The following PTPRJ variants were observed in gnomAD, a reference collection of about 807,000 sequenced individuals.
PTPRJ encodes receptor-type tyrosine-protein phosphatase eta.
PTPRJ carries 129 observed loss-of-function variants against 141.3 expected under a neutral mutation model. That is an observed-to-expected ratio of 0.91 (90% CI 0.79 to 1.06). PTPRJ has a LOEUF of 1.06. Ranked by LOEUF, PTPRJ falls within the 50% of genes least tolerant of loss-of-function variation. The pLI is 0.00. For synonymous variants in PTPRJ, 610 were observed against 640.5 expected (o/e 0.95, Z 0.72); for missense variants, 1,601 against 1,679.7 (o/e 0.95, Z 0.82).
intron 1 of PTPRJ, among the ~76,000 whole-genome samples, chr11:48,063,861 G>T (rs1855005180): frequency 6.6e-6 from 1 of 151,918 alleles, no homozygotes; most frequent in African/African-American, 2.4e-5. Context: ...TTATCCAAAG[G>T]CTTCTGTTTT....
intron 1 of PTPRJ, among the ~76,000 whole-genome samples, chr11:48,049,714 CAAA>C (rs397713247): frequency 9.9e-5 from 5 of 50,624 alleles, no homozygotes; most frequent in Admixed American, 2.2e-4. Flanking sequence ...AACTCTGTCT[CAAA>C]AAAAAAAAAA....
chr11:48,060,014 G>T (rs1240087066), intron 1 of PTPRJ, among the ~76,000 whole-genome samples: 5 of 152,210 alleles, frequency 3.3e-5, no homozygotes, highest in African/African-American at 1.2e-4. Flanking sequence ...GGGGTTCTGG[G>T]AAGCCTCTGT....
chr11:48,161,445 A>G (rs940560385), intron 22 of PTPRJ, among the ~76,000 whole-genome samples: 2 of 152,084 alleles, frequency 1.3e-5, no homozygotes, highest in South Asian at 2.1e-4. Context: ...AAAGTATAGT[A>G]TATTAAGTAG....
intron 1 of PTPRJ, among the ~76,000 whole-genome samples, chr11:47,984,822 G>T (rs959110876): frequency 2.0e-5 from 3 of 151,622 alleles, no homozygotes; most frequent in Admixed American, 1.3e-4. Flanking sequence ...GCCTCACAAA[G>T]TGCAGGGATT....
At chr11:48,067,308 G>T (rs994010689) in intron 1 of PTPRJ, among the ~76,000 whole-genome samples, 2 of 152,140 alleles carry the variant, frequency 1.3e-5, no homozygotes, top group African/African-American at 4.8e-5. Flanking sequence ...GACAATGGGG[G>T]GAAGGAAAGG....
chr11:48,142,156 A>G (rs1331897687), intron 11 of PTPRJ, among the ~76,000 whole-genome samples: 5 of 152,140 alleles, frequency 3.3e-5, no homozygotes, highest in South Asian at 2.1e-4. Context: ...AGTTGACTGT[A>G]TATGTGAGAG....
chr11:48,000,912 C>G (rs1854479573), intron 1 of PTPRJ, among the ~76,000 whole-genome samples: 1 of 151,826 alleles, frequency 6.6e-6, no homozygotes, highest in Non-Finnish European at 1.5e-5. Flanking sequence ...ATTGAAAGAA[C>G]CACCCTGACA....
chr11:48,144,971 A>G, intron 13 of PTPRJ, 29 bp from the exon 14 acceptor site: 1 of 1,613,856 alleles, frequency 6.2e-7, no homozygotes, highest in Non-Finnish European at 8.5e-7. Context: ...CGTCTCAGGG[A>G]CCTCTTTTTG....
At chr11:48,139,119 C>T (rs990518475) in intron 10 of PTPRJ, among the ~76,000 whole-genome samples, 7 of 151,956 alleles carry the variant, frequency 4.6e-5, no homozygotes, top group South Asian at 2.1e-4. Flanking sequence ...GTCGACAGAG[C>T]GAGACTCCGT....
chr11:48,132,932 A>G (rs1160545370), intron 8 of PTPRJ, among the ~76,000 whole-genome samples: 1 of 152,212 alleles, frequency 6.6e-6, no homozygotes. Context: ...ATGACGTCTT[A>G]ACGTCAACAT....
At chr11:48,018,252 T>TC (rs1403803296) in intron 1 of PTPRJ, among the ~76,000 whole-genome samples, 5 of 152,020 alleles carry the variant, frequency 3.3e-5, no homozygotes. Flanking sequence ...CAACATGACT[T>TC]CTTTTTTTTT....
At chr11:48,099,696 T>G (rs933950877) in intron 1 of PTPRJ, among the ~76,000 whole-genome samples, 1 of 152,136 alleles carries the variant, frequency 6.6e-6, no homozygotes, top group African/African-American at 2.4e-5. Flanking sequence ...AGTGTCTGCT[T>G]TGTGGCATTT....
At position 48,130,551 on chromosome 11, in the gene PTPRJ, A is replaced by T. The variant is rs1856948931; in HGVS notation, c.1450A>T (p.Met484Leu). ...CAGCCATGATGCAGAATCATTTCAG[A>T]TGCATATCACACAGGAGGGAGCTGG... ...WSSHDAESFQ[M>L]HITQEGAGNS... The change falls in exon 8 of 25, where the codon ATG becomes TTG. Residue 484 changes from methionine (M) to leucine (L), a missense_variant. Physicochemically the swap from Met to Leu is conservative, Grantham distance 15. Coordinates refer to ENST00000418331, the MANE Select transcript of PTPRJ (RefSeq NM_002843.4). 3.1e-6 allele frequency: 5 copies of T among 1,613,976 alleles called. No homozygotes were observed. In the South Asian group the frequency reaches 3.3e-5, roughly 11 times the overall value.
At chr11:48,141,342 G>T (rs1413003074) in intron 11 of PTPRJ, among the ~76,000 whole-genome samples, 1 of 151,960 alleles carries the variant, frequency 6.6e-6, no homozygotes, top group East Asian at 1.9e-4. Flanking sequence ...GAAAGGGGGG[G>T]TGTGCACAAT....
chr11:48,027,785 T>C (rs2134220398), intron 1 of PTPRJ, among the ~76,000 whole-genome samples: 1 of 106,374 alleles, frequency 9.4e-6, no homozygotes, highest in African/African-American at 4.4e-5. Flanking sequence ...AGTGAGACTC[T>C]GTCTCCAAAA....
intron 1 of PTPRJ, among the ~76,000 whole-genome samples, chr11:48,054,927 G>A (rs1854715419): frequency 6.6e-6 from 1 of 151,832 alleles, no homozygotes; most frequent in Admixed American, 6.6e-5. Flanking sequence ...GCTCACGCCT[G>A]TAATCCCAGC....
chr11:47,988,879 GTTTTTTTTTTTTTTTT>G (rs869194701), intron 1 of PTPRJ, among the ~76,000 whole-genome samples: 4 of 76,340 alleles, frequency 5.2e-5, no homozygotes, highest in African/African-American at 2.7e-4. Flanking sequence ...ATTGTATCTT[GTTTTTTTTTTTTTTTT>G]TTTTTTTTTT....
intron 1 of PTPRJ, among the ~76,000 whole-genome samples, chr11:48,037,588 G>A (rs533993749): frequency 6.6e-6 from 1 of 152,218 alleles, no homozygotes; most frequent in African/African-American, 2.4e-5. Flanking sequence ...GAGGTGGGCG[G>A]ATCACTTGAG....
chr11:48,130,405 C>T, intron 7 of PTPRJ, 54 bp from the exon 8 acceptor site: 1 of 1,527,208 alleles, frequency 6.5e-7, no homozygotes, highest in Non-Finnish European at 8.9e-7. Flanking sequence ...GTGGGGCATC[C>T]CTGTCTCCTG....
Sources: allele counts gnomAD v4.1 joint callset (sites outside exome capture counted in the v4.1 genomes callset), GRCh38; gene constraint gnomAD v4.1.1; transcripts MANE v1.5; gene names NCBI Gene and HGNC (gene_info 2026-07-23, HGNC 2026-07-21).